INO80: variants seen among roughly 807,000 people sequenced by gnomAD.
The protein encoded by INO80 is INO80 complex ATPase subunit.
Under a neutral mutation model 203.4 loss-of-function variants are expected in INO80, and 20 were observed. The observed-to-expected ratio is 0.10, with a 90% CI of 0.07 to 0.14. INO80 has a LOEUF of 0.14. Ranked by LOEUF, INO80 falls within the 10% of genes least tolerant of loss-of-function variation. INO80 has a pLI of 1.00. For synonymous variants in INO80, 726 were observed against 685.2 expected (o/e 1.06, Z -0.93); for missense variants, 1,419 against 1,914.4 (o/e 0.74, Z 4.83).
At chr15:41,030,945 C>T (rs1487179202) in intron 24 of INO80, among the ~76,000 whole-genome samples, 1 of 152,196 alleles carries the variant, frequency 6.6e-6, no homozygotes, top group African/African-American at 2.4e-5. Context: ...GCTGGGATTA[C>T]AGGCGTGAGC....
intron 28 of INO80, among the ~76,000 whole-genome samples, chr15:40,999,874 T>G (rs992910020): frequency 2.0e-5 from 3 of 152,172 alleles, no homozygotes; most frequent in Non-Finnish European, 4.4e-5. Context: ...GAGGATCACT[T>G]GAGCCTAGGA....
intron 1 of INO80, among the ~76,000 whole-genome samples, chr15:41,108,524 G>A (rs1237091820): frequency 5.3e-5 from 8 of 150,954 alleles, no homozygotes; most frequent in African/African-American, 7.3e-5. Context: ...CTCGGGAGGC[G>A]GAGCTTGCAG....
intron 18 of INO80, among the ~76,000 whole-genome samples, 177 bp from the exon 19 acceptor site, chr15:41,054,191 A>G (rs1027243418): frequency 2.6e-5 from 4 of 152,202 alleles, no homozygotes; most frequent in Non-Finnish European, 5.9e-5. Flanking sequence ...AATTTTTTAT[A>G]CCATCTTGCT....
intron 24 of INO80, among the ~76,000 whole-genome samples, chr15:41,034,855 T>A (rs1271863847): frequency 6.6e-6 from 1 of 152,246 alleles, no homozygotes; most frequent in African/African-American, 2.4e-5. Context: ...AAACATAATT[T>A]GTCTTCACTG....
chr15:40,993,438 A>G (rs2140422034), intron 29 of INO80, among the ~76,000 whole-genome samples: 1 of 152,282 alleles, frequency 6.6e-6, no homozygotes, highest in South Asian at 2.1e-4. Context: ...CCTCTTAAAT[A>G]TCATCTACAA....
Position 41,047,517 on chromosome 15 carries a change from C to T in INO80, c.2642-16G>A. The T allele has an allele frequency of 6.5e-7, 1 of 1,542,004 alleles. No individual in the cohort carries two copies. Among genetic ancestry groups the T allele is most frequent in the Non-Finnish European group, 8.9e-7 (1 of 1,120,104 alleles). Reference sequence around the variant, plus strand: ...TCATTAATACCTGAAATATAAAAGACAATTTGAAACCCAACAGCAAACCAA... The same window carrying T: ...TCATTAATACCTGAAATATAAAAGATAATTTGAAACCCAACAGCAAACCAA... On this transcript the variant is annotated splice_polypyrimidine_tract_variant and intron_variant, in intron 22 of 35. Transcript: ENST00000648947.
At chr15:41,096,509 T>TA (rs1277868812) in intron 1 of INO80, among the ~76,000 whole-genome samples, 156 bp from the exon 2 acceptor site, 1 of 152,188 alleles carries the variant, frequency 6.6e-6, no homozygotes, top group Non-Finnish European at 1.5e-5. Flanking sequence ...AAGCTCTTGT[T>TA]AGACACTGCC....
intron 27 of INO80, chr15:41,011,863 A>G (rs1169422749): frequency 6.6e-6 from 1 of 152,188 alleles, no homozygotes; most frequent in East Asian, 1.9e-4. Flanking sequence ...AGGGTCTCAA[A>G]TGTCATTATG....
intron 12 of INO80, 96 bp from the exon 13 acceptor site, chr15:41,070,643 T>G: frequency 2.0e-6 from 2 of 985,602 alleles, no homozygotes; most frequent in Non-Finnish European, 3.2e-6. Flanking sequence ...CAGGCTTGTT[T>G]AAAGAGAAGT....
chr15:41,021,014 C>A lies in INO80; in HGVS notation c.3160G>T (p.Ala1054Ser). ...AGCCAGTCTGCAGCCAGTTCAGGGGCCCCATTCAACAAACACTGCTTGGCT... is the reference window on the plus strand; with the variant it reads ...AGCCAGTCTGCAGCCAGTTCAGGGGACCCATTCAACAAACACTGCTTGGCT... ...LAAKQCLLNG[A>S]PELAADWLNR... Residue 1054 changes from alanine to serine, a missense_variant, in exon 26 of 36, where the codon GCC becomes TCC. Transcript: ENST00000648947. 6.2e-7 allele frequency: 1 copy of A among 1,613,996 alleles called. No individual in the cohort carries two copies. The highest frequency in any genetic ancestry group is 8.5e-7 in the Non-Finnish European group (1 of 1,179,862).
intron 26 of INO80, among the ~76,000 whole-genome samples, chr15:41,020,412 C>A (rs1292859538): frequency 6.6e-6 from 1 of 152,130 alleles, no homozygotes; most frequent in African/African-American, 2.4e-5. Context: ...CTTTCAACCC[C>A]CGACTTTGAC....
rs1893943275 is a variant in INO80, at chr15:40,984,347, T to C, written c.3927A>G (p.Lys1309=). 6.2e-7 allele frequency: 1 copy of C among 1,614,132 alleles called. No individual in the cohort carries two copies. The highest frequency in any genetic ancestry group is 1.1e-5 in the South Asian group (1 of 91,072). ...TTTTCCCATCCAATTCATCTTCTTTTTTCTTCTGGGAACACACGGATAAAT... is the reference window on the plus strand; with the variant it reads ...TTTTCCCATCCAATTCATCTTCTTTCTTCTTCTGGGAACACACGGATAAAT... ...RKREKYAEKK[K]KEDELDGKRR... Residue 1309 remains lysine, a synonymous_variant, in exon 33 of 36, where the codon AAA becomes AAG. Transcript: ENST00000648947.
At chr15:41,068,966 G>T (rs977425313) in intron 14 of INO80, among the ~76,000 whole-genome samples, 1 of 152,084 alleles carries the variant, frequency 6.6e-6, no homozygotes, top group African/African-American at 2.4e-5. Context: ...TGTACTGATG[G>T]TATGATTTGT....
intron 1 of INO80, among the ~76,000 whole-genome samples, chr15:41,096,691 A>T (rs1218612674): frequency 6.6e-6 from 1 of 151,664 alleles, no homozygotes; most frequent in Non-Finnish European, 1.5e-5. Flanking sequence ...ATGAATAAAC[A>T]ACTATCCAAA....
Position 41,085,578 on chromosome 15 carries a change from A to G in INO80, c.664T>C (p.Leu222=). 1 of 1,613,542 alleles carries G rather than the reference A, an allele frequency of 6.2e-7. No individual in the cohort carries two copies. ...CGTCTTTTTTTCTTCACTTTTTTCA[A>G]CTTAGCTGCAAAAGAAACAGATGCA... The part of the protein sequence containing the change: ...FKEEKKLKAK[L]KKVKKKRRRD... The change falls in exon 7 of 36, where the codon TTG becomes CTG. Residue 222 remains leucine (L), a synonymous_variant. Transcript: ENST00000648947.
chr15:41,037,390 C>G (rs1436159748), intron 24 of INO80, among the ~76,000 whole-genome samples: 17 of 149,554 alleles, frequency 1.1e-4, no homozygotes, highest in Non-Finnish European at 2.4e-4. Flanking sequence ...TGTCTGCAGT[C>G]CTACTTGGGA....
In INO80 at chr15:41,058,570, CGTGTGTGTGT is replaced by C. The variant is rs67053863; in HGVS notation, c.1985+59_1985+68del. ...ACAAGTCTGTGTGTGTGTGTGTGTGCGTGTGTGTGTGTGTGTGTGTGTGTACTTAACCCAA... is the reference window on the plus strand; with the variant it reads ...ACAAGTCTGTGTGTGTGTGTGTGTGCGTGTGTGTGTGTGTACTTAACCCAA... On this transcript the variant is annotated intron_variant, in intron 16 of 35. Coordinates refer to ENST00000648947, the MANE Select transcript of INO80 (RefSeq NM_017553.3). 511 of 543,852 alleles carry C rather than the reference CGTGTGTGTGT, an allele frequency of 9.4e-4. 5 individuals carry two copies. The East Asian group carries it at 0.021, about 22-fold the overall frequency. The allele number at this position is 543,852 out of a possible 1,614,324, so 33.7% of individuals were successfully genotyped here. A position where few individuals can be genotyped will look rare whatever the true frequency, so the allele number is the denominator to read the frequency against.
intron 4 of INO80, among the ~76,000 whole-genome samples, chr15:41,094,580 C>T (rs770377689): frequency 6.6e-6 from 1 of 152,148 alleles, no homozygotes; most frequent in Non-Finnish European, 1.5e-5. Context: ...CACATGGATG[C>T]ACTAAATCAA....
intron 27 of INO80, among the ~76,000 whole-genome samples, chr15:41,008,224 T>TACACAC (rs71104765): frequency 0.017 from 2,494 of 148,926 alleles, 85 homozygotes; most frequent in African/African-American, 0.058. Context: ...TATATATACA[T>TACACAC]ACACACACAC....
Sources: gnomAD v4.1 joint callset for allele counts (sites outside exome capture counted in the v4.1 genomes callset) on GRCh38, gnomAD v4.1.1 for gene constraint, MANE v1.5 for transcripts, NCBI Gene and HGNC (gene_info 2026-07-23, HGNC 2026-07-21) for gene names.